RPH3A: variants seen among roughly 807,000 people sequenced by gnomAD.
RPH3A encodes the protein rabphilin 3A.
In RPH3A, 48 loss-of-function variants were observed where a neutral mutation model predicts 102.2. The observed-to-expected ratio is 0.47, with a 90% CI of 0.37 to 0.60. The LOEUF is 0.60. Among genes scored for constraint, RPH3A ranks in the 20% least tolerant of loss-of-function variants. The pLI is 0.00. For synonymous variants in RPH3A, 310 were observed against 324.3 expected (o/e 0.96, Z 0.47); for missense variants, 781 against 910.1 (o/e 0.86, Z 1.83).
intron 1 of RPH3A, among the ~76,000 whole-genome samples, chr12:112,762,444 G>C (rs564789543): frequency 1.3e-5 from 2 of 152,230 alleles, no homozygotes; most frequent in South Asian, 4.1e-4. Flanking sequence ...ACTATTTGTG[G>C]TTCCCTGAAT....
chr12:112,713,289 C>A (rs1166583469), intron 1 of RPH3A, among the ~76,000 whole-genome samples: 1 of 151,730 alleles, frequency 6.6e-6, no homozygotes, highest in African/African-American at 2.4e-5. Flanking sequence ...TTGCACATTT[C>A]TTTATTTAAA....
At chr12:112,778,275 T>C (rs749438690) in intron 1 of RPH3A, among the ~76,000 whole-genome samples, 3 of 152,246 alleles carry the variant, frequency 2.0e-5, no homozygotes, top group Non-Finnish European at 4.4e-5. Flanking sequence ...GGAGAGGCTT[T>C]CTTTAAAAAG....
intron 1 of RPH3A, among the ~76,000 whole-genome samples, chr12:112,656,009 T>G (rs2040009061): frequency 1.3e-5 from 2 of 152,188 alleles, no homozygotes; most frequent in Non-Finnish European, 2.9e-5. Flanking sequence ...TTCAATTTCA[T>G]TTTTTCATTT....
chr12:112,858,266 C>CAAAAAAAAAAAAAAAAAAAAAAAAAAA (rs1164602599), intron 5 of RPH3A, among the ~76,000 whole-genome samples: 16 of 44,778 alleles, frequency 3.6e-4, no homozygotes, highest in Admixed American at 4.2e-4. Flanking sequence ...GACCCTGTCT[C>CAAAAAAAAAAAAAAAAAAAAAAAAAAA]AAAAAAAAAA....
intron 2 of RPH3A, among the ~76,000 whole-genome samples, chr12:112,820,756 G>A (rs748184470): frequency 4.6e-5 from 7 of 152,232 alleles, no homozygotes; most frequent in Non-Finnish European, 1.0e-4. Context: ...TGAACTCTGT[G>A]CCTACTTTAA....
At chr12:112,598,887 C>T (rs920427596) in intron 1 of RPH3A, among the ~76,000 whole-genome samples, 1 of 152,150 alleles carries the variant, frequency 6.6e-6, no homozygotes, top group Non-Finnish European at 1.5e-5. Context: ...CTAATACTGG[C>T]CTCTTGTATA....
intron 2 of RPH3A, among the ~76,000 whole-genome samples, chr12:112,799,084 T>G (rs2041290787): frequency 6.6e-6 from 1 of 152,160 alleles, no homozygotes. Flanking sequence ...TATAGGACTT[T>G]GTGTTAAAAC....
At chr12:112,768,791 A>C (rs1200999367) in intron 1 of RPH3A, among the ~76,000 whole-genome samples, 2 of 152,246 alleles carry the variant, frequency 1.3e-5, no homozygotes, top group African/African-American at 2.4e-5. Flanking sequence ...ACACTTCTGT[A>C]ATTCTAGCTA....
At chr12:112,865,020 GTTGAGTTTGAAAGGGTAAGT>G (rs2042584002) in intron 5 of RPH3A, among the ~76,000 whole-genome samples, 1 of 152,176 alleles carries the variant, frequency 6.6e-6, no homozygotes, top group African/African-American at 2.4e-5. Context: ...AAGATGAAAA[GTTGAGTTTGAAAGGGTAAGT>G]TTGAGATGCC....
chr12:112,759,624 C>T (rs1454594057), intron 1 of RPH3A, among the ~76,000 whole-genome samples: 1 of 152,150 alleles, frequency 6.6e-6, no homozygotes, highest in East Asian at 1.9e-4. Context: ...GCTCACTTCA[C>T]AAAACTGCAG....
chr12:112,580,653 G>A (rs1340731668), intron 1 of RPH3A, among the ~76,000 whole-genome samples: 1 of 151,960 alleles, frequency 6.6e-6, no homozygotes. Context: ...TGATCCGCCC[G>A]CCTCGGCCTC....
rs2043192419 is a variant in RPH3A at position 112,897,144 on chromosome 12, G to T, written c.*364G>T. ...CCCTCCTAGCCTTGAACACACACAT[G>T]TACACACACACACACACACACACAC... On this transcript the variant is annotated 3_prime_UTR_variant, in exon 22 of 22. Transcript: ENST00000389385. The T allele has an allele frequency of 4.9e-6, 1 of 205,904 alleles. No homozygotes were observed. The highest frequency in any genetic ancestry group is 9.5e-6 in the Non-Finnish European group (1 of 105,638). The allele number at this position is 205,904 out of a possible 1,614,324, so 12.8% of individuals were successfully genotyped here.
At chr12:112,821,170 T>C (rs1163608836) in intron 2 of RPH3A, among the ~76,000 whole-genome samples, 1 of 152,182 alleles carries the variant, frequency 6.6e-6, no homozygotes, top group Non-Finnish European at 1.5e-5. Flanking sequence ...GAAGGGGCAC[T>C]CGGCTCCATC....
At chr12:112,840,047 C>A (rs2042115931) in intron 4 of RPH3A, among the ~76,000 whole-genome samples, 1 of 152,130 alleles carries the variant, frequency 6.6e-6, no homozygotes, top group South Asian at 2.1e-4. Context: ...ATTTCAAATT[C>A]ACATGGCATA....
chr12:112,616,082 T>C (rs977453710), intron 1 of RPH3A, among the ~76,000 whole-genome samples: 7 of 152,206 alleles, frequency 4.6e-5, no homozygotes, highest in Non-Finnish European at 1.0e-4. Flanking sequence ...ATCTGTCTGT[T>C]GTCTTCCATC....
intron 1 of RPH3A, among the ~76,000 whole-genome samples, chr12:112,772,645 T>C (rs1006922092): frequency 1.1e-4 from 16 of 152,260 alleles, no homozygotes; most frequent in African/African-American, 3.6e-4. Flanking sequence ...TCAATAATTA[T>C]TAGTGATTAT....
At chr12:112,676,572 T>G (rs779497501) in intron 1 of RPH3A, among the ~76,000 whole-genome samples, 18 of 152,240 alleles carry the variant, frequency 1.2e-4, no homozygotes, top group Middle Eastern at 3.2e-3. Context: ...GACTAGGCCT[T>G]CCTTTAAAAT....
At chr12:112,859,890 C>T (rs11066435) in intron 5 of RPH3A, among the ~76,000 whole-genome samples, 6 of 152,198 alleles carry the variant, frequency 3.9e-5, no homozygotes, top group Non-Finnish European at 5.9e-5. Flanking sequence ...CTCAACAGGA[C>T]TTCATGCTTA....
chr12:112,642,943 G>A (rs575948918), intron 1 of RPH3A, among the ~76,000 whole-genome samples: 35 of 152,230 alleles, frequency 2.3e-4, no homozygotes, highest in South Asian at 6.2e-4. Context: ...TGCTACTGGC[G>A]TCTAGTGAGT....
Sources: allele counts gnomAD v4.1 joint callset (sites outside exome capture counted in the v4.1 genomes callset), GRCh38; gene constraint gnomAD v4.1.1; transcripts MANE v1.5; gene names NCBI Gene and HGNC (gene_info 2026-07-23, HGNC 2026-07-21).